NOL11: variants seen among roughly 807,000 people sequenced by gnomAD.
NOL11 encodes the protein nucleolar protein 11.
NOL11 carries 42 observed loss-of-function variants against 93.0 expected under a neutral mutation model. That is an observed-to-expected ratio of 0.45 (90% CI 0.35 to 0.58). The LOEUF (loss-of-function observed/expected upper bound fraction) is 0.58, where lower values mean the gene tolerates loss of function less well. Ranked by LOEUF, NOL11 falls within the 20% of genes least tolerant of loss-of-function variation. The pLI is 0.00. For missense variants in NOL11, 775 were observed against 841.8 expected, an observed-to-expected ratio of 0.92 and a Z score of 0.98; for synonymous variants, 296 against 293.7, an observed-to-expected ratio of 1.01 and a Z score of -0.08.
At chr17:67,739,838 TTC>T (rs2055238529) in intron 16 of NOL11, among the ~76,000 whole-genome samples, 1 of 152,222 alleles carries the variant, frequency 6.6e-6, no homozygotes, top group South Asian at 2.1e-4. Flanking sequence ...AAATTCCTGA[TTC>T]TTCATTATGA....
rs541344119 is a variant in NOL11 at position 67,743,935 on chromosome 17, T to C, written c.*76T>C. The C allele has an allele frequency of 5.3e-6, 4 of 757,190 alleles. No homozygotes were observed. Among genetic ancestry groups the C allele is most frequent in the African/African-American group, 1.8e-5 (1 of 55,278 alleles). 46.9% of individuals were successfully genotyped at this position (757,190 alleles called of 1,614,324 possible). A position where few individuals can be genotyped will look rare whatever the true frequency, so the allele number is the denominator to read the frequency against. Reference sequence around the variant, plus strand: ...TCTTGCTTCATCCAGGCAAGAACGGTGTTTTGTTTGCGACCATCTCAGTGT... The same window carrying C: ...TCTTGCTTCATCCAGGCAAGAACGGCGTTTTGTTTGCGACCATCTCAGTGT... On this transcript the variant is annotated 3_prime_UTR_variant, in exon 18 of 18. Coordinates refer to ENST00000253247, the MANE Select transcript of NOL11 (RefSeq NM_015462.5).
At chr17:67,723,396 TTTTTTTTTTTTG>T (rs2055053961) in intron 5 of NOL11, among the ~76,000 whole-genome samples, 1 of 109,208 alleles carries the variant, frequency 9.2e-6, no homozygotes, top group African/African-American at 4.0e-5. Flanking sequence ...TTTTTTTTTT[TTTTTTTTTTTTG>T]AGACGATTCT....
intron 1 of NOL11, chr17:67,719,126 C>CG (rs2043198442): frequency 6.6e-6 from 1 of 152,090 alleles, no homozygotes; most frequent in Non-Finnish European, 1.5e-5. Flanking sequence ...TGGCCGGACG[C>CG]GGTGGTTCAC....
chr17:67,738,289 A>G lies in NOL11; in HGVS notation c.1697A>G (p.Lys566Arg), dbSNP rs760592317. Reference protein sequence around the residue: ...KCNNCDQELNKKPQDETKEST... With the variant: ...KCNNCDQELNRKPQDETKEST... Reference sequence around the variant, plus strand: ...AATAACTGTGATCAAGAGTTAAATAAAAAGCCCCAGGACGAAACAAAGGAG... The same window carrying G: ...AATAACTGTGATCAAGAGTTAAATAGAAAGCCCCAGGACGAAACAAAGGAG... The change falls in exon 14 of 18, where the codon AAA (lysine) becomes AGA (arginine). Residue 566 changes from lysine (K) to arginine (R), a missense_variant. Around this residue, in one of 2 missense-constraint regions of NOL11, gnomAD observed 416 missense variants for 525.2 expected, o/e 0.79. Coordinates refer to ENST00000253247, the MANE Select transcript of NOL11 (RefSeq NM_015462.5). The G allele has an allele frequency of 6.8e-6, 11 of 1,614,092 alleles. No individual in the cohort carries two copies. Among genetic ancestry groups the G allele is most frequent in the Non-Finnish European group, 8.5e-6 (10 of 1,180,008 alleles).
chr17:67,724,878 GA>G (rs1299955173), intron 6 of NOL11, among the ~76,000 whole-genome samples: 1 of 152,002 alleles, frequency 6.6e-6, no homozygotes. Flanking sequence ...CTAACATGGT[GA>G]AACCCCGTCT....
intron 7 of NOL11, among the ~76,000 whole-genome samples, chr17:67,729,978 GCTC>G (rs547351506): frequency 6.6e-6 from 1 of 150,706 alleles, no homozygotes; most frequent in Non-Finnish European, 1.5e-5. Context: ...CTTGCTACGA[GCTC>G]CTCCTGCCTC....
intron 3 of NOL11, 123 bp from the exon 4 acceptor site, chr17:67,721,255 T>C: frequency 1.6e-6 from 1 of 612,516 alleles, no homozygotes; most frequent in Non-Finnish European, 2.6e-6. Context: ...TACATAATTA[T>C]AAAGCAAAAT....
Position 67,738,942 on chromosome 17 carries a change from C to T in NOL11, c.1774C>T (p.Leu592Phe), listed in dbSNP as rs978297932. 3 of 1,609,314 alleles carry T rather than the reference C, an allele frequency of 1.9e-6. No individual in the cohort carries two copies. The African/African-American group carries it at 4.0e-5, about 22-fold the overall frequency. ...TCCTTTAGTCCTAAGTAATGCAATT[C>T]TTCATTCAGCATATAGCGAGACATT... is the stretch of plus-strand genomic sequence containing the variant. ...QKRAALLNAI[L>F]HSAYSETFLL... The change falls in exon 15 of 18, where the codon CTT (leucine) becomes TTT (phenylalanine). Residue 592 changes from leucine (L) to phenylalanine (F), a missense_variant. Physicochemically the swap from Leu to Phe is conservative, Grantham distance 22. This residue lies in a region of NOL11 where 416 missense variants were observed against 525.2 expected (regional missense o/e 0.79). Transcript: ENST00000253247.
intron 3 of NOL11, 52 bp downstream of exon 3, chr17:67,720,014 A>G: frequency 6.8e-7 from 1 of 1,460,224 alleles, no homozygotes; most frequent in Non-Finnish European, 9.3e-7. Flanking sequence ...GTGAATTAGA[A>G]TCATTCATAA....
intron 16 of NOL11, 94 bp from the exon 17 acceptor site, chr17:67,743,385 T>C (rs2055272353): frequency 2.0e-6 from 1 of 504,938 alleles, no homozygotes; most frequent in Non-Finnish European, 3.6e-6. Flanking sequence ...TAAAGACTTA[T>C]TTTTCTCATA....
At chr17:67,724,505 T>C (rs774524814) in intron 6 of NOL11, among the ~76,000 whole-genome samples, 14 of 152,104 alleles carry the variant, frequency 9.2e-5, no homozygotes, top group Non-Finnish European at 1.5e-4. Flanking sequence ...GGCTCATTTT[T>C]GTATTTTTAG....
chr17:67,738,777 C>T (rs898878447), intron 14 of NOL11, 155 bp from the exon 15 acceptor site: 1 of 570,948 alleles, frequency 1.8e-6, no homozygotes, highest in Non-Finnish European at 3.1e-6. Flanking sequence ...TCCACATGAT[C>T]TCCAATGATT....
chr17:67,730,942 A>G (rs1014671605), intron 7 of NOL11, among the ~76,000 whole-genome samples: 1 of 152,186 alleles, frequency 6.6e-6, no homozygotes, highest in African/African-American at 2.4e-5. Flanking sequence ...GCTATTTTCC[A>G]TAATTTGGAT....
At chr17:67,731,257 T>G (rs75244364) in intron 7 of NOL11, among the ~76,000 whole-genome samples, 67 of 2,758 alleles carry the variant, frequency 0.024, 25 homozygotes, top group African/African-American at 0.054. Context: ...AAAAGTTTTT[T>G]TTTTTTTTTT....
chr17:67,723,005 CTTTTTTTTTT>C (rs61233443), intron 5 of NOL11, among the ~76,000 whole-genome samples: 3 of 124,586 alleles, frequency 2.4e-5, no homozygotes, highest in South Asian at 2.6e-4. Flanking sequence ...AATTTCAAAA[CTTTTTTTTTT>C]TTTTTTTTTT....
intron 16 of NOL11, 21 bp downstream of exon 16, chr17:67,739,629 T>C (rs1397673097): frequency 1.4e-6 from 2 of 1,441,538 alleles, no homozygotes; most frequent in African/African-American, 1.6e-5. Flanking sequence ...TTTTTTACTT[T>C]GATTTGGTGC....
At chr17:67,723,628 C>G (rs1279195241) in intron 5 of NOL11, among the ~76,000 whole-genome samples, 1 of 151,686 alleles carries the variant, frequency 6.6e-6, no homozygotes, top group South Asian at 2.1e-4. Context: ...ACCTTGTGAT[C>G]CACCGACTGC....
rs1014173826 is a variant in NOL11, at chr17:67,737,214, G to A, written c.1218+69G>A. The stretch of plus-strand genomic sequence containing the variant: ...TCCAAAGAAATCGCATCTACTCTTC[G>A]TTCTGTCTTATTTTTATGATCATCT... On this transcript the variant is annotated intron_variant, in intron 11 of 17. Coordinates refer to ENST00000253247, the MANE Select transcript of NOL11 (RefSeq NM_015462.5). 26 of 925,794 alleles carry A rather than the reference G, an allele frequency of 2.8e-5. No individual in the cohort carries two copies. In the African/African-American group the frequency reaches 3.1e-4, roughly 11 times the overall value. The allele number at this position is 925,794 out of a possible 1,614,324, so 57.3% of individuals were successfully genotyped here.
rs754543968 is a variant in NOL11 at position 67,743,766 on chromosome 17, C to G, written c.2067C>G (p.Asn689Lys). Residue 689 changes from asparagine to lysine, a missense_variant, in exon 18 of 18, where the codon AAC (asparagine) becomes AAG (lysine). Asn to Lys is a moderately conservative substitution (Grantham distance 94). Transcript: ENST00000253247. ...KSQISVYSELNKIEVSFRELQ... is the reference protein window; with the variant it reads ...KSQISVYSELKKIEVSFRELQ... ...AGATATCTGTTTATTCTGAGCTCAA[C>G]AAGATTGAAGTAAGTTTTCGGGAGC... 2.6e-6 allele frequency: 4 copies of G among 1,534,398 alleles called. No homozygotes were observed. The highest frequency in any genetic ancestry group is 2.6e-6 in the Non-Finnish European group (3 of 1,142,536).
Sources: allele counts gnomAD v4.1 joint callset (sites outside exome capture counted in the v4.1 genomes callset), GRCh38; gene constraint gnomAD v4.1.1; regional missense constraint gnomAD v4.1.1; transcripts MANE v1.5; gene names NCBI Gene and HGNC (gene_info 2026-07-23, HGNC 2026-07-21).